ARMH3: variants seen among roughly 807,000 people sequenced by gnomAD.
ARMH3 encodes armadillo like helical domain containing 3, also known as armadillo-like helical domain-containing protein 3.
Under a neutral mutation model 99.1 loss-of-function variants are expected in ARMH3, and 60 were observed. The ratio of observed to expected loss-of-function variants is 0.61; its 90% CI spans 0.49 to 0.75. ARMH3 has a LOEUF of 0.75. ARMH3 is among the 30% of genes least tolerant of loss of function. ARMH3 has a pLI of 0.00. For missense variants in ARMH3, 679 were observed against 843.1 expected (o/e 0.81, Z 2.41); for synonymous variants, 285 against 292.8 (o/e 0.97, Z 0.27).
intron 24 of ARMH3, among the ~76,000 whole-genome samples, chr10:101,851,931 T>C (rs1193066158): frequency 6.6e-6 from 1 of 152,220 alleles, no homozygotes; most frequent in Admixed American, 6.5e-5. Context: ...CAAAGTAATC[T>C]GGTCCTCTCA....
chr10:102,017,756 A>AC, intron 8 of ARMH3, among the ~76,000 whole-genome samples: 1 of 152,284 alleles, frequency 6.6e-6, no homozygotes, highest in South Asian at 2.1e-4. Context: ...TAGGAGCTCT[A>AC]CCCACCATTC....
intron 20 of ARMH3, among the ~76,000 whole-genome samples, chr10:101,973,374 A>G (rs914648061): frequency 1.6e-4 from 24 of 152,112 alleles, no homozygotes; most frequent in South Asian, 2.1e-4. Flanking sequence ...AAAAAAAAAA[A>G]AAAAGAAAAA....
intron 24 of ARMH3, among the ~76,000 whole-genome samples, chr10:101,869,071 C>CAAA (rs760328201): frequency 1.2e-4 from 7 of 60,140 alleles, no homozygotes; most frequent in Non-Finnish European, 2.4e-4. Context: ...GACTCTGTCT[C>CAAA]AAAAAAAAAA....
intron 2 of ARMH3, chr10:102,033,570 C>G (rs2067184417): frequency 4.7e-6 from 2 of 426,072 alleles, no homozygotes; most frequent in African/African-American, 4.0e-5. Flanking sequence ...AGGCGCCCAC[C>G]ACCTCGCCCG....
chr10:101,971,416 A>G, intron 20 of ARMH3, among the ~76,000 whole-genome samples: 1 of 152,130 alleles, frequency 6.6e-6, no homozygotes, highest in East Asian at 1.9e-4. Flanking sequence ...CCATCTTTAC[A>G]AAAGTTAGCC....
chr10:101,997,066 A>C (rs1356278281), intron 15 of ARMH3, among the ~76,000 whole-genome samples: 1 of 151,982 alleles, frequency 6.6e-6, no homozygotes, highest in Non-Finnish European at 1.5e-5. Context: ...GGAGTTGGAG[A>C]CAAGCTTGGC....
intron 19 of ARMH3, among the ~76,000 whole-genome samples, chr10:101,978,618 C>T (rs1391127848): frequency 6.6e-6 from 1 of 152,014 alleles, no homozygotes; most frequent in Non-Finnish European, 1.5e-5. Flanking sequence ...GGGAACAAAG[C>T]AGAATCCCAT....
chr10:102,022,747 A>T (rs1449871008), intron 8 of ARMH3, among the ~76,000 whole-genome samples: 2 of 149,436 alleles, frequency 1.3e-5, no homozygotes, highest in African/African-American at 4.9e-5. Flanking sequence ...CACCCAGCTA[A>T]TTTTTTGTAT....
In ARMH3 at chr10:102,020,991, A is replaced by AT. The variant is rs1395448288; in HGVS notation, c.669+2485dup. Among the ~76,000 whole-genome samples the AT allele has an allele frequency of 8.6e-5, 13 of 152,040 alleles. No individual in the cohort carries two copies. In the East Asian group the frequency reaches 1.7e-3, roughly 20 times the overall value. ...AGTAAGTGCCCTATTCAGGTGTATG[A>AT]TTTTTTTACAGTTTTTTTCATGTTT... On this transcript the variant is annotated intron_variant, in intron 8 of 25. Coordinates refer to ENST00000370033, the MANE Select transcript of ARMH3 (RefSeq NM_024541.3).
chr10:101,942,211 AAAT>A (rs758675790), intron 22 of ARMH3, among the ~76,000 whole-genome samples: 16 of 152,324 alleles, frequency 1.1e-4, no homozygotes, highest in Admixed American at 5.9e-4. Flanking sequence ...TAGTACACAA[AAAT>A]AATATGCAGC....
At chr10:101,856,525 C>T (rs185243224) in intron 24 of ARMH3, among the ~76,000 whole-genome samples, 1 of 151,696 alleles carries the variant, frequency 6.6e-6, no homozygotes, top group Admixed American at 6.6e-5. Flanking sequence ...TGTTCCACTT[C>T]CATGCAGTTC....
At chr10:101,976,282 G>A (rs1846002887) in intron 19 of ARMH3, among the ~76,000 whole-genome samples, 1 of 149,984 alleles carries the variant, frequency 6.7e-6, no homozygotes, top group South Asian at 2.1e-4. Flanking sequence ...AAAGGTTGCA[G>A]TGAACCAAGA....
intron 23 of ARMH3, among the ~76,000 whole-genome samples, chr10:101,913,645 C>A (rs562857435): frequency 1.3e-5 from 2 of 152,138 alleles, no homozygotes; most frequent in Non-Finnish European, 2.9e-5. Context: ...GGATTATAGG[C>A]GTAAGCCACT....
At chr10:102,005,222 A>C (rs1344673604) in intron 14 of ARMH3, among the ~76,000 whole-genome samples, 1 of 152,012 alleles carries the variant, frequency 6.6e-6, no homozygotes, top group East Asian at 1.9e-4. Context: ...AATAAAAATA[A>C]ACATACAAAA....
intron 23 of ARMH3, among the ~76,000 whole-genome samples, chr10:101,915,800 C>CTTTTT (rs781162716): frequency 2.3e-5 from 3 of 130,860 alleles, no homozygotes; most frequent in Non-Finnish European, 3.3e-5. Flanking sequence ...ATTGCAAGTC[C>CTTTTT]TTTTTTTTTT....
chr10:101,965,419 G>A (rs1056145518), intron 20 of ARMH3, among the ~76,000 whole-genome samples: 7 of 152,192 alleles, frequency 4.6e-5, no homozygotes, highest in African/African-American at 1.7e-4. Flanking sequence ...ATGAACTTGA[G>A]CAGGAATGCA....
intron 19 of ARMH3, among the ~76,000 whole-genome samples, chr10:101,985,112 C>CACACA (rs1554883043): frequency 1.4e-5 from 2 of 145,338 alleles, no homozygotes; most frequent in Non-Finnish European, 3.0e-5. Flanking sequence ...CACACACACA[C>CACACA]GTGTACATAT....
chr10:102,027,560 A>G (rs2067028403), intron 5 of ARMH3, among the ~76,000 whole-genome samples: 1 of 152,082 alleles, frequency 6.6e-6, no homozygotes, highest in Non-Finnish European at 1.5e-5. Context: ...ATCAAGCAAG[A>G]AGTACTTATG....
intron 23 of ARMH3, among the ~76,000 whole-genome samples, chr10:101,891,063 T>C (rs1363980936): frequency 3.9e-5 from 6 of 152,016 alleles, no homozygotes; most frequent in African/African-American, 1.4e-4. Context: ...TTTGTAGAGA[T>C]GGGGTTTTGC....
Sources: allele counts gnomAD v4.1 joint callset (sites outside exome capture counted in the v4.1 genomes callset), GRCh38; gene constraint gnomAD v4.1.1; transcripts MANE v1.5; gene names NCBI Gene and HGNC (gene_info 2026-07-23, HGNC 2026-07-21).